Variants in GBP2 observed in about 807,000 individuals in gnomAD.
GBP2 encodes the protein guanylate-binding protein 2.
A neutral mutation model predicts 60.8 loss-of-function variants in GBP2; 54 were observed. That is an observed-to-expected ratio of 0.89 (90% confidence interval 0.71 to 1.11). The LOEUF (loss-of-function observed/expected upper bound fraction) is 1.11. GBP2 is among the 50% of genes most tolerant of loss of function. The probability of loss-of-function intolerance (pLI) is 0.00; values close to 1 mark genes in which losing one functional copy is unlikely to be tolerated. For synonymous variants in GBP2, 243 were observed against 256.5 expected (o/e 0.95, Z 0.50); for missense variants, 665 against 703.3 (o/e 0.95, Z 0.62).
intron 7 of GBP2, chr1:89,112,891 C>A (rs1198844752): frequency 1.7e-6 from 1 of 571,950 alleles, no homozygotes; most frequent in African/African-American, 1.9e-5. Context: ...TTTCCTAAAG[C>A]TCCTTTCTCC....
chr1:89,113,545 A>G (rs1681207087), intron 7 of GBP2, among the ~76,000 whole-genome samples: 1 of 152,198 alleles, frequency 6.6e-6, no homozygotes, highest in South Asian at 2.1e-4. Flanking sequence ...TACTTTGTTC[A>G]CTTGGAATGA....
At chr1:89,124,330 G>A (rs2100622596) in intron 1 of GBP2, among the ~76,000 whole-genome samples, 1 of 152,252 alleles carries the variant, frequency 6.6e-6, no homozygotes, top group South Asian at 2.1e-4. Flanking sequence ...TCTCCAGAAG[G>A]ATGTATCAGG....
In GBP2 at chr1:89,112,549, C is replaced by T. The variant is rs1277199181; in HGVS notation, c.1285G>A (p.Gly429Arg). 6.2e-7 allele frequency: 1 copy of T among 1,614,056 alleles called. No individual in the cohort carries two copies. The highest frequency in any genetic ancestry group is 2.2e-5 in the East Asian group (1 of 44,894). ...DVKQGTFSKP[G>R]GYRLFTQKLQ... Reference sequence around the variant, plus strand: ...TTCTGAGTAAAGAGACGGTAACCTCCTGGTTTAGAAAATGTTCCCTGCTTG... The same window carrying T: ...TTCTGAGTAAAGAGACGGTAACCTCTTGGTTTAGAAAATGTTCCCTGCTTG... Residue 429 changes from glycine to arginine, a missense_variant, in exon 8 of 11, where the codon GGA (glycine) becomes AGA (arginine). Coordinates refer to ENST00000370466, the MANE Select transcript of GBP2 (RefSeq NM_004120.5).
chr1:89,109,736 C>T lies in GBP2; in HGVS notation c.1600G>A (p.Glu534Lys). The change falls in exon 10 of 11, where the codon GAG becomes AAG. Residue 534 changes from glutamate (E) to lysine (K), a missense_variant. By Grantham distance (56) the Glu-to-Lys change is moderately conservative. Coordinates refer to ENST00000370466, the MANE Select transcript of GBP2 (RefSeq NM_004120.5). ...EHVKQLTEKM[E>K]RDRAQLMAEQ... ...GCCATTAACTGGGCCCTGTCCCTCT[C>T]CATCTTCTCAGTCAATTGTTTCACA... 1 of 1,614,166 alleles carries T rather than the reference C, an allele frequency of 6.2e-7. No individual in the cohort carries two copies.
intron 4 of GBP2, chr1:89,118,843 T>A (rs1414013041): frequency 6.6e-6 from 1 of 152,252 alleles, no homozygotes; most frequent in Non-Finnish European, 1.5e-5. Context: ...GGGAATTTAT[T>A]GTGATTAGAA....
chr1:89,120,385 CATT>C, intron 3 of GBP2, 97 bp from the exon 4 acceptor site: 2 of 999,416 alleles, frequency 2.0e-6, no homozygotes, highest in East Asian at 2.4e-5. Flanking sequence ...CTCTGTCTCT[CATT>C]AGTTCTGAAA....
intron 3 of GBP2, 78 bp from the exon 4 acceptor site, chr1:89,120,366 G>A (rs756132571): frequency 7.8e-6 from 9 of 1,148,902 alleles, no homozygotes; most frequent in Middle Eastern, 1.9e-4. Context: ...AAGACTGACT[G>A]AACTCCAACT....
intron 8 of GBP2, among the ~76,000 whole-genome samples, chr1:89,110,535 TAA>T (rs1231871680): frequency 2.0e-5 from 3 of 152,158 alleles, no homozygotes; most frequent in Admixed American, 6.5e-5. Flanking sequence ...TACTCAGCCA[TAA>T]AAAGGAAAAA....
In GBP2 at chr1:89,108,440, T is replaced by C. The variant is rs879070794; in HGVS notation, c.1660-149A>G. On this transcript the variant is annotated intron_variant, in intron 10 of 10. Coordinates refer to ENST00000370466, the MANE Select transcript of GBP2 (RefSeq NM_004120.5). Reference sequence around the variant, plus strand: ...ATACCTGCCAATAATTTTTCTATGATTTTTTTAGCTTCAAAAATGTTGTTG... The same window carrying C: ...ATACCTGCCAATAATTTTTCTATGACTTTTTTAGCTTCAAAAATGTTGTTG... 2.7e-5 allele frequency: 13 copies of C among 484,322 alleles called. No individual in the cohort carries two copies. The South Asian group carries it at 3.9e-4, about 15-fold the overall frequency. 30.0% of individuals were successfully genotyped at this position (484,322 alleles called of 1,614,324 possible). A position where few individuals can be genotyped will look rare whatever the true frequency, so the allele number is the denominator to read the frequency against.
chr1:89,124,151 T>G lies in GBP2; in HGVS notation c.-18+1712A>C, dbSNP rs1371341465. 2.0e-5 allele frequency among the ~76,000 whole-genome samples: 3 copies of G among 152,224 alleles called. No homozygotes were observed. In the East Asian group the frequency reaches 5.8e-4, roughly 29 times the overall value. ...CTTTTATGTATAGACTTTTAGATTG[T>G]TTCTAATATTTAGCAATTACAAACA... is the stretch of plus-strand genomic sequence containing the variant. On this transcript the variant is annotated intron_variant, in intron 1 of 10. Transcript: ENST00000370466.
chr1:89,119,664 A>G (rs1045941881), intron 4 of GBP2: 2 of 152,360 alleles, frequency 1.3e-5, no homozygotes, highest in African/African-American at 4.8e-5. Flanking sequence ...TTCTCTTTTT[A>G]ATGGTAAAGG....
At chr1:89,122,945 C>CT (rs1020379088) in intron 1 of GBP2, among the ~76,000 whole-genome samples, 1 of 152,056 alleles carries the variant, frequency 6.6e-6, no homozygotes, top group Non-Finnish European at 1.5e-5. Flanking sequence ...ATTTTATTTA[C>CT]TTATTTAATC....
chr1:89,120,203 T>G lies in GBP2; in HGVS notation c.404A>C (p.Asn135Thr), dbSNP rs750214499. The G allele has an allele frequency of 6.2e-7, 1 of 1,613,992 alleles. No individual in the cohort carries two copies. The highest frequency in any genetic ancestry group is 1.1e-5 in the South Asian group (1 of 91,078). ...CTGAAGTTGGTCCATGGCCTGCTGG[T>G]TGATGGTTCCCATGCTATTGTACAC... The part of the protein sequence containing the change: ...TFVYNSMGTI[N>T]QQAMDQLHYV... Residue 135 changes from asparagine to threonine, a missense_variant, in exon 4 of 11, where the codon AAC (asparagine) becomes ACC (threonine). Transcript: ENST00000370466.
At chr1:89,119,912 T>C (rs771495185) in intron 4 of GBP2, 31 of 381,824 alleles carry the variant, frequency 8.1e-5, no homozygotes, top group Non-Finnish European at 1.3e-4. Context: ...CTAGAGGACA[T>C]TGAAGGTTTG....
Position 89,121,130 on chromosome 1 carries a change from T to G in GBP2, c.318+13A>C. 6.2e-7 allele frequency: 1 copy of G among 1,607,442 alleles called. No individual in the cohort carries two copies. Among genetic ancestry groups the G allele is most frequent in the Non-Finnish European group, 8.5e-7 (1 of 1,176,600 alleles). On this transcript the variant is annotated intron_variant, in intron 3 of 10. Coordinates refer to ENST00000370466, the MANE Select transcript of GBP2 (RefSeq NM_004120.5). ...TACCTAAGTGAAATTTTTAAAATAC[T>G]TATTTTTTTTACCTTCTCTATATCT...
At position 89,121,839 on chromosome 1, in the gene GBP2, A is replaced by G. The variant is rs1309342131; in HGVS notation, c.128T>C (p.Ile43Thr). Residue 43 changes from isoleucine (I) to threonine (T), a missense_variant, in exon 2 of 11, where the codon ATT (isoleucine) becomes ACT (threonine). Transcript: ENST00000370466. The stretch of plus-strand genomic sequence containing the variant: ...TTTGCCTGTGCGATAGAGGCCCACA[A>G]TCGCCACCACCACCACAGGCTGCGT... The part of the protein sequence containing the change: ...AITQPVVVVA[I>T]VGLYRTGKSY... 1.4e-5 allele frequency: 22 copies of G among 1,614,092 alleles called. 1 individual carries two copies. In the Middle Eastern group the frequency reaches 5.0e-4, roughly 36 times the overall value.
chr1:89,120,437 A>C (rs1447301682), intron 3 of GBP2, 149 bp from the exon 4 acceptor site: 1 of 645,184 alleles, frequency 1.5e-6, no homozygotes, highest in Non-Finnish European at 2.8e-6. Flanking sequence ...ATTTTTTTCT[A>C]CCTGTAGAAC....
chr1:89,107,367 C>G lies in GBP2; in HGVS notation c.*808G>C, dbSNP rs1681076890. Among the ~76,000 whole-genome samples the G allele has an allele frequency of 6.6e-6, 1 of 152,076 alleles. No homozygotes were observed. The highest frequency in any genetic ancestry group is 1.5e-5 in the Non-Finnish European group (1 of 68,024). ...AATTTGAGTTTGAGTTAAAGCTTTC[C>G]TTTCTGTGATTGTAGAAGTTATTTT... On this transcript the variant is annotated 3_prime_UTR_variant, in exon 11 of 11. Coordinates refer to ENST00000370466, the MANE Select transcript of GBP2 (RefSeq NM_004120.5).
chr1:89,113,067 CA>C (rs1681196091), intron 7 of GBP2: 1 of 238,792 alleles, frequency 4.2e-6, no homozygotes, highest in Non-Finnish European at 8.3e-6. Flanking sequence ...TTGTGACACT[CA>C]GTCTTTGTGA....
Sources: allele counts gnomAD v4.1 joint callset (sites outside exome capture counted in the v4.1 genomes callset), GRCh38; gene constraint gnomAD v4.1.1; transcripts MANE v1.5; gene names NCBI Gene and HGNC (gene_info 2026-07-23, HGNC 2026-07-21).